The following ANKRD44 variants were observed in gnomAD, a reference collection of about 807,000 sequenced individuals.
ANKRD44 encodes the protein serine/threonine-protein phosphatase 6 regulatory ankyrin repeat subunit B.
A neutral mutation model predicts 116.0 loss-of-function variants in ANKRD44; 35 were observed. The ratio of observed to expected loss-of-function variants is 0.30; its 90% confidence interval spans 0.23 to 0.40. The LOEUF is 0.40. Among genes scored for constraint, ANKRD44 ranks in the 10% least tolerant of loss-of-function variants. The pLI is 1.00. For missense variants in ANKRD44, 1,014 were observed against 1,242.6 expected (o/e 0.82, Z 2.77); for synonymous variants, 435 against 461.8 (o/e 0.94, Z 0.74).
At chr2:197,146,823 G>C (rs1373430450) in intron 3 of ANKRD44, among the ~76,000 whole-genome samples, 1 of 152,130 alleles carries the variant, frequency 6.6e-6, no homozygotes, top group Non-Finnish European at 1.5e-5. Flanking sequence ...TTCAAAGCAA[G>C]ATAAAAATGT....
intron 10 of ANKRD44, among the ~76,000 whole-genome samples, chr2:197,095,781 A>G (rs2078147294): frequency 6.6e-6 from 1 of 152,188 alleles, no homozygotes; most frequent in African/African-American, 2.4e-5. Context: ...TCATGAGGTT[A>G]TGGTGAAAGT....
At chr2:197,186,975 T>C in intron 2 of ANKRD44, 48 bp downstream of exon 2, 1 of 1,537,198 alleles carries the variant, frequency 6.5e-7, no homozygotes, top group Middle Eastern at 1.7e-4. Flanking sequence ...AGTCCTTTCC[T>C]GCTCCAGGCT....
chr2:197,142,307 T>C (rs1188600649), intron 3 of ANKRD44, among the ~76,000 whole-genome samples: 2 of 152,202 alleles, frequency 1.3e-5, no homozygotes, highest in African/African-American at 4.8e-5. Flanking sequence ...GGACTGAGTG[T>C]GACTGAAAAA....
chr2:197,308,562 T>C (rs987062892), intron 1 of ANKRD44, among the ~76,000 whole-genome samples: 4 of 151,898 alleles, frequency 2.6e-5, no homozygotes, highest in African/African-American at 7.3e-5. Flanking sequence ...TCAGAAGTTC[T>C]TGAATCTTAA....
intron 9 of ANKRD44, among the ~76,000 whole-genome samples, chr2:197,101,736 T>C (rs1354514461): frequency 6.6e-6 from 1 of 152,236 alleles, no homozygotes; most frequent in Non-Finnish European, 1.5e-5. Flanking sequence ...TGTACAGATA[T>C]CTGATTTCCC....
intron 15 of ANKRD44, 72 bp from the exon 16 acceptor site, chr2:197,078,886 T>C: frequency 6.7e-7 from 1 of 1,488,128 alleles, no homozygotes; most frequent in Non-Finnish European, 9.1e-7. Context: ...ATGTAAATCC[T>C]CCTATTACGA....
intron 21 of ANKRD44, among the ~76,000 whole-genome samples, chr2:196,979,997 CATT>C (rs1243016287): frequency 6.6e-6 from 1 of 152,186 alleles, no homozygotes; most frequent in Non-Finnish European, 1.5e-5. Flanking sequence ...GGAAAATGAT[CATT>C]AATATACACT....
chr2:196,989,590 C>G lies in ANKRD44; in HGVS notation c.*1G>C. On this transcript the variant is annotated 3_prime_UTR_variant, in exon 28 of 28. Transcript: ENST00000282272. ...TGTATGTGCATAATTTTTAAAGAGTCTCATTCTTCTTTTTGTACAGCGGTT... is the reference window on the plus strand; with the variant it reads ...TGTATGTGCATAATTTTTAAAGAGTGTCATTCTTCTTTTTGTACAGCGGTT... The G allele has an allele frequency of 6.5e-7, 1 of 1,549,834 alleles. No individual in the cohort carries two copies. Among genetic ancestry groups the G allele is most frequent in the South Asian group, 1.2e-5 (1 of 84,024 alleles).
chr2:196,999,017 A>T lies in ANKRD44; in HGVS notation c.2555T>A (p.Val852Glu). The T allele has an allele frequency of 3.7e-6, 6 of 1,614,192 alleles. No homozygotes were observed. Among genetic ancestry groups the T allele is most frequent in the Non-Finnish European group, 5.1e-6 (6 of 1,180,028 alleles). ...PLHAAAFADH[V>E]ECLQLLLRHS... ...TCTCAGAAGAAGCTGCAAGCACTCC[A>T]CATGATCAGCAAATGCTGCCGCATG... is the stretch of plus-strand genomic sequence containing the variant. The change falls in exon 24 of 28, where the codon GTG becomes GAG. Residue 852 changes from valine (V) to glutamate (E), a missense_variant. Val to Glu is a moderately radical substitution (Grantham distance 121, BLOSUM62 -2). Coordinates refer to ENST00000282272, the MANE Select transcript of ANKRD44 (RefSeq NM_001195144.2).
chr2:197,177,457 A>G (rs2080393520), intron 2 of ANKRD44, among the ~76,000 whole-genome samples: 1 of 152,158 alleles, frequency 6.6e-6, no homozygotes, highest in South Asian at 2.1e-4. Context: ...CACCGTGAGT[A>G]GTAAGTACCA....
chr2:197,164,986 GTTTA>G (rs1007707018), intron 2 of ANKRD44, among the ~76,000 whole-genome samples: 2 of 152,180 alleles, frequency 1.3e-5, no homozygotes, highest in African/African-American at 2.4e-5. Context: ...CTAAACTACT[GTTTA>G]TTTGTCTGTA....
intron 2 of ANKRD44, among the ~76,000 whole-genome samples, chr2:197,155,368 A>C (rs774469031): frequency 6.6e-6 from 1 of 152,084 alleles, no homozygotes; most frequent in Non-Finnish European, 1.5e-5. Flanking sequence ...TTGGATGGTT[A>C]CAAGCCTTGG....
At chr2:196,979,554 C>CTTTTTTTTTTT (rs71012942) in intron 21 of ANKRD44, among the ~76,000 whole-genome samples, 823 of 59,630 alleles carry the variant, frequency 0.014, 74 homozygotes, top group African/African-American at 0.04. Context: ...AATAAGATGA[C>CTTTTTTTTTTT]TTTTTTTTTT....
chr2:197,108,701 A>G (rs868678734), intron 9 of ANKRD44, among the ~76,000 whole-genome samples: 1 of 152,130 alleles, frequency 6.6e-6, no homozygotes, highest in Admixed American at 6.5e-5. Context: ...TTAGCTGGGC[A>G]TGGTGGCACA....
rs1574222042 is a variant in ANKRD44 at position 196,988,157 on chromosome 2, C to T, written c.*1434G>A. On this transcript the variant is annotated 3_prime_UTR_variant, in exon 28 of 28. Coordinates refer to ENST00000282272, the MANE Select transcript of ANKRD44 (RefSeq NM_001195144.2). ...GCTGAAATGATTCTTGTACTCTCTGCTACACGACAGGAAAAATGTTAACGC... is the reference window on the plus strand; with the variant it reads ...GCTGAAATGATTCTTGTACTCTCTGTTACACGACAGGAAAAATGTTAACGC... The T allele has an allele frequency of 1.0e-6, 1 of 985,368 alleles. No individual in the cohort carries two copies. Among genetic ancestry groups the T allele is most frequent in the African/African-American group, 1.7e-5 (1 of 57,344 alleles). The allele number at this position is 985,368 out of a possible 1,614,324, so 61.0% of individuals were successfully genotyped here.
chr2:196,989,797 G>T, intron 27 of ANKRD44, 148 bp from the exon 28 acceptor site: 1 of 1,442,190 alleles, frequency 6.9e-7, no homozygotes, highest in Non-Finnish European at 9.1e-7. Flanking sequence ...TCACTGACTT[G>T]GTATGACCTT....
chr2:197,062,402 C>T (rs1358366003), intron 16 of ANKRD44, among the ~76,000 whole-genome samples: 1 of 152,180 alleles, frequency 6.6e-6, no homozygotes, highest in Non-Finnish European at 1.5e-5. Context: ...GATTTTTACT[C>T]AATTTCTTTG....
At chr2:197,299,810 C>T (rs1180070767) in intron 1 of ANKRD44, among the ~76,000 whole-genome samples, 3 of 152,090 alleles carry the variant, frequency 2.0e-5, no homozygotes. Flanking sequence ...CCACCCATTC[C>T]CCAAAAACCT....
intron 1 of ANKRD44, among the ~76,000 whole-genome samples, chr2:197,271,272 G>C (rs2082891633): frequency 6.6e-6 from 1 of 152,158 alleles, no homozygotes; most frequent in Admixed American, 6.5e-5. Flanking sequence ...ATATTAAGAG[G>C]TGAGGCCTTT....
Sources: allele counts gnomAD v4.1 joint callset (sites outside exome capture counted in the v4.1 genomes callset), GRCh38; gene constraint gnomAD v4.1.1; transcripts MANE v1.5; gene names NCBI Gene and HGNC (gene_info 2026-07-23, HGNC 2026-07-21).